TMEM63A: variants seen among roughly 807,000 people sequenced by gnomAD.
TMEM63A encodes the protein mechanosensitive cation channel TMEM63A.
TMEM63A carries 76 observed loss-of-function variants against 100.6 expected under a neutral mutation model. The ratio of observed to expected loss-of-function variants is 0.76; its 90% CI spans 0.63 to 0.91. The LOEUF (loss-of-function observed/expected upper bound fraction) is 0.91, where lower values mean the gene tolerates loss of function less well. TMEM63A is among the 40% of genes least tolerant of loss of function. The pLI, the probability that TMEM63A is intolerant of heterozygous loss-of-function variation, is 0.00. For synonymous variants in TMEM63A, 401 were observed against 401.1 expected, an observed-to-expected ratio of 1.00 and a Z score of 0.00; for missense variants, 876 against 1,008.8, an observed-to-expected ratio of 0.87 and a Z score of 1.78.
At chr1:225,845,449 C>T (rs1405326171), downstream of TMEM63A, 1 of 1,287,460 alleles carries the variant, frequency 7.8e-7, no homozygotes, top group African/African-American at 1.5e-5. Flanking sequence ...GCCTCCGTCC[C>T]CTGCCCATGC....
At chr1:225,842,960 A>C (rs1026248565), downstream of TMEM63A, among the ~76,000 whole-genome samples, 26 of 152,196 alleles carry the variant, frequency 1.7e-4, no homozygotes, top group African/African-American at 6.3e-4. Flanking sequence ...CTCAGGCTTC[A>C]CCAAGGTCAG....
At chr1:225,850,577 T>A (rs916937380) in intron 20 of TMEM63A, among the ~76,000 whole-genome samples, 1 of 152,166 alleles carries the variant, frequency 6.6e-6, no homozygotes, top group African/African-American at 2.4e-5. Context: ...TACCCTCTAG[T>A]GGTGTTTACT....
Position 225,848,542 on chromosome 1 carries a change from C to T in TMEM63A, c.2200G>A (p.Ala734Thr), listed in dbSNP as rs771315045. The change falls in exon 23 of 25, where the codon GCA becomes ACA. Residue 734 changes from alanine (A) to threonine (T), a missense_variant. Transcript: ENST00000366835. The part of the protein sequence containing the change: ...SPLNYKTEEP[A>T]SDKGSEAEAH... ...TCTGCCTCACTTCCTTTGTCACTTG[C>T]AGGCTCTTCTGTCTGCAGATAACAG... 9.9e-6 allele frequency: 16 copies of T among 1,614,022 alleles called. No individual in the cohort carries two copies. The highest frequency in any genetic ancestry group is 1.3e-5 in the Non-Finnish European group (15 of 1,180,054).
chr1:225,864,705 C>T (rs1226745104), intron 10 of TMEM63A: 1 of 152,218 alleles, frequency 6.6e-6, no homozygotes, highest in African/African-American at 2.4e-5. Flanking sequence ...AAATTTTAAA[C>T]ATTCAGTTTA....
At position 225,846,816 on chromosome 1, in the gene TMEM63A, T is replaced by G; in HGVS notation, c.*123A>C. 1 of 501,898 alleles carries G rather than the reference T, an allele frequency of 2.0e-6. No individual in the cohort carries two copies. 31.1% of individuals were successfully genotyped at this position (501,898 alleles called of 1,614,324 possible). ...CTGCCTGTGCTCTCCTCACCACTGCTGGGACCAGAAAAGATGGGCACCTGA... is the reference window on the plus strand; with the variant it reads ...CTGCCTGTGCTCTCCTCACCACTGCGGGGACCAGAAAAGATGGGCACCTGA... On this transcript the variant is annotated 3_prime_UTR_variant, in exon 25 of 25. Transcript: ENST00000366835.
intron 4 of TMEM63A, among the ~76,000 whole-genome samples, chr1:225,872,484 A>C (rs147580852): frequency 3.3e-5 from 5 of 152,354 alleles, no homozygotes; most frequent in Non-Finnish European, 7.3e-5. Context: ...GCTGCCAAAT[A>C]AACTATGACC....
chr1:225,857,386 G>GA (rs1186499167), intron 15 of TMEM63A, among the ~76,000 whole-genome samples: 1,288 of 6,028 alleles, frequency 0.21, 128 homozygotes, highest in African/African-American at 0.26. Flanking sequence ...CGGCGGGGCG[G>GA]GGGGGGGGGG....
chr1:225,879,644 C>A (rs1170814169), intron 1 of TMEM63A, among the ~76,000 whole-genome samples: 2 of 152,190 alleles, frequency 1.3e-5, no homozygotes, highest in Non-Finnish European at 2.9e-5. Context: ...CCAGCACCAC[C>A]TGTGGCCCCA....
rs746024882 is a variant in TMEM63A, at chr1:225,871,109, C to T, written c.338G>A (p.Cys113Tyr). 1 of 1,613,930 alleles carries T rather than the reference C, an allele frequency of 6.2e-7. No homozygotes were observed. Among genetic ancestry groups the T allele is most frequent in the South Asian group, 1.1e-5 (1 of 91,046 alleles). ...GQQDFENELGCCPWLTAIFRL... is the reference protein window; with the variant it reads ...GQQDFENELGYCPWLTAIFRL... ...GAAGATGGCAGTCAGCCAGGGACAG[C>T]ATCCCTGGAAACGGAGAGAACAGGG... is the stretch of plus-strand genomic sequence containing the variant. Residue 113 changes from cysteine (C) to tyrosine (Y), a missense_variant, in exon 6 of 25, where the codon TGC becomes TAC. By Grantham distance (194) the Cys-to-Tyr change is radical. Coordinates refer to ENST00000366835, the MANE Select transcript of TMEM63A (RefSeq NM_014698.3).
intron 3 of TMEM63A, among the ~76,000 whole-genome samples, chr1:225,876,983 A>G (rs1670836513): frequency 6.6e-6 from 1 of 152,104 alleles, no homozygotes; most frequent in Non-Finnish European, 1.5e-5. Flanking sequence ...CAGGGATGCC[A>G]GAGGGGAACA....
At position 225,862,062 on chromosome 1, in the gene TMEM63A, G is replaced by A. The variant is rs1669967323; in HGVS notation, c.1085+156C>T. ...CAAACATGGGCTGGGCTGGCTGAAA[G>A]TGAGTGTGGGTAGCTGAGGGAGGAG... On this transcript the variant is annotated intron_variant, in intron 13 of 24. Coordinates refer to ENST00000366835, the MANE Select transcript of TMEM63A (RefSeq NM_014698.3). The surrounding 1 kb of genome is among the most constrained non-coding windows in gnomAD (Gnocchi z 5.1). 1 of 1,185,112 alleles carries A rather than the reference G, an allele frequency of 8.4e-7. No homozygotes were observed. The highest frequency in any genetic ancestry group is 2.5e-5 in the Admixed American group (1 of 39,616). 73.4% of individuals were successfully genotyped at this position (1,185,112 alleles called of 1,614,324 possible).
intron 20 of TMEM63A, 57 bp from the exon 21 acceptor site, chr1:225,850,136 T>G: frequency 1.3e-6 from 2 of 1,582,432 alleles, no homozygotes; most frequent in Non-Finnish European, 1.7e-6. Flanking sequence ...GACACCTCTG[T>G]CCTCTTCCTC....
intron 17 of TMEM63A, 21 bp downstream of exon 17, chr1:225,856,631 G>A (rs756553628): frequency 1.9e-6 from 3 of 1,611,574 alleles, no homozygotes; most frequent in East Asian, 2.2e-5. Context: ...TGAATTTAGA[G>A]CAGAAGGTGG....
intron 1 of TMEM63A, among the ~76,000 whole-genome samples, chr1:225,882,006 G>C (rs1036482312): frequency 6.6e-6 from 1 of 152,202 alleles, no homozygotes; most frequent in Non-Finnish European, 1.5e-5. Context: ...GTCGGACTCC[G>C]CCGACAAATC....
chr1:225,878,885 T>TACACACACACACACAC lies in TMEM63A; in HGVS notation c.-15+319_-15+334dup, dbSNP rs55792328. Among the ~76,000 whole-genome samples the TACACACACACACACAC allele has an allele frequency of 5.7e-5, 8 of 139,592 alleles. 1 individual carries two copies. Among genetic ancestry groups the TACACACACACACACAC allele is most frequent in the South Asian group, 2.4e-4 (1 of 4,134 alleles). The allele number at this position is 139,592 out of a possible 152,430, so 91.6% of individuals were successfully genotyped here. ...ACACCTACCTACCTACCTACCTACC[T>TACACACACACACACAC]ACACACACACACACACACACACACA... On this transcript the variant is annotated intron_variant, in intron 2 of 24. Transcript: ENST00000366835.
intron 23 of TMEM63A, 91 bp downstream of exon 23, chr1:225,848,401 C>A: frequency 2.2e-6 from 3 of 1,371,558 alleles, no homozygotes; most frequent in South Asian, 1.3e-5. Context: ...AAGAGATGAT[C>A]AAAGATTTGC....
intron 10 of TMEM63A, chr1:225,863,205 C>T: frequency 3.9e-6 from 1 of 255,344 alleles, no homozygotes; most frequent in Non-Finnish European, 7.7e-6. Flanking sequence ...AGGCACATGC[C>T]ACCAGGCTGA....
At chr1:225,880,364 A>G (rs559093888) in intron 1 of TMEM63A, among the ~76,000 whole-genome samples, 26 of 152,066 alleles carry the variant, frequency 1.7e-4, no homozygotes, top group Non-Finnish European at 2.5e-4. Flanking sequence ...CTGCATTTTC[A>G]CAAACAGGCA....
At position 225,848,916 on chromosome 1, in the gene TMEM63A, AG is replaced by A. The variant is rs746955676; in HGVS notation, c.2167del (p.Leu723SerfsTer4). Reference sequence around the variant, plus strand: ...CTTTACTTTGTAGTTCAGAGGGCTGAGGTGCTTGAAGCATCCAAAGCAGGTG... The same window carrying A: ...CTTTACTTTGTAGTTCAGAGGGCTGAGTGCTTGAAGCATCCAAAGCAGGTG... ...AHTCFGCFKH[L>X]SPLNYKTEEP... On this transcript the variant is annotated frameshift_variant, in exon 22 of 25. Coordinates refer to ENST00000366835, the MANE Select transcript of TMEM63A (RefSeq NM_014698.3). LOFTEE classifies it high-confidence loss of function. The A allele has an allele frequency of 5.0e-6, 8 of 1,595,172 alleles. No individual in the cohort carries two copies. The South Asian group carries it at 9.1e-5, about 18-fold the overall frequency.
Sources: gnomAD v4.1 joint callset for allele counts (sites outside exome capture counted in the v4.1 genomes callset) on GRCh38, gnomAD v4.1.1 for gene constraint, Gnocchi (gnomAD v3.1) non-coding constraint, MANE v1.5 for transcripts, NCBI Gene and HGNC (gene_info 2026-07-23, HGNC 2026-07-21) for gene names.